The following ANK3 variants were observed in gnomAD, a reference collection of about 807,000 sequenced individuals.
ANK3 encodes ankyrin-3.
In ANK3, 57 loss-of-function variants were observed where a neutral mutation model predicts 370.9. The observed-to-expected ratio is 0.15, with a 90% CI of 0.12 to 0.19. The LOEUF is 0.19. ANK3 is among the 10% of genes least tolerant of loss of function. ANK3 has a pLI of 1.00. For synonymous variants in ANK3, 1,929 were observed against 1,946.3 expected, an observed-to-expected ratio of 0.99 and a Z score of 0.23; for missense variants, 4,439 against 5,302.1, an observed-to-expected ratio of 0.84 and a Z score of 5.06.
At chr10:60,335,750 G>A (rs1178401713) in intron 1 of ANK3, among the ~76,000 whole-genome samples, 1 of 152,104 alleles carries the variant, frequency 6.6e-6, no homozygotes, top group Admixed American at 6.6e-5. Context: ...GTTTCTTGAG[G>A]TAATAGTATA....
chr10:60,516,962 T>C (rs10994396), intron 2 of ANK3, among the ~76,000 whole-genome samples: 35,990 of 151,878 alleles, frequency 0.24, 4,647 homozygotes, highest in East Asian at 0.47. Context: ...CCACGTTCCA[T>C]GGAAAGAGCT....
chr10:60,464,481 T>C (rs2064964318), intron 2 of ANK3, among the ~76,000 whole-genome samples: 1 of 150,054 alleles, frequency 6.7e-6, no homozygotes, highest in African/African-American at 2.4e-5. Context: ...GACAGGGAGA[T>C]AGGCTGTCTC....
intron 26 of ANK3, among the ~76,000 whole-genome samples, chr10:60,110,784 T>C (rs1390743725): frequency 6.6e-6 from 1 of 152,200 alleles, no homozygotes; most frequent in African/African-American, 2.4e-5. Flanking sequence ...AATTTTTCAT[T>C]AGGAATAATA....
intron 2 of ANK3, among the ~76,000 whole-genome samples, chr10:60,423,224 C>T (rs2063813602): frequency 6.6e-6 from 1 of 152,068 alleles, no homozygotes; most frequent in African/African-American, 2.4e-5. Context: ...AAGACAATCA[C>T]TTCCAAAAAA....
rs138905531 is a variant in ANK3, at chr10:60,507,280, C to T, written c.96+107906G>A. 3.1e-3 allele frequency among the ~76,000 whole-genome samples: 467 copies of T among 152,012 alleles called. 1 individual carries two copies. Among genetic ancestry groups the T allele is most frequent in the African/African-American group, 0.01 (429 of 41,494 alleles). On this transcript the variant is annotated intron_variant, in intron 2 of 43. Transcript: ENST00000373827. ...CAATAATCACTGCCAAAAATTAATG[C>T]GTCACAATGGCATAATAATTATGAG...
chr10:60,482,165 T>C (rs908797797), intron 2 of ANK3, among the ~76,000 whole-genome samples: 3 of 152,168 alleles, frequency 2.0e-5, no homozygotes, highest in Non-Finnish European at 4.4e-5. Flanking sequence ...CTCATCAGCC[T>C]TGCTCCCCTT....
chr10:60,487,610 A>T (rs984509763), intron 2 of ANK3, among the ~76,000 whole-genome samples: 1 of 152,136 alleles, frequency 6.6e-6, no homozygotes, highest in African/African-American at 2.4e-5. Flanking sequence ...AGCAAAGAAA[A>T]TCTGACTTGG....
chr10:60,086,919 CT>C (rs748424381), intron 29 of ANK3, 35 bp from the exon 30 acceptor site: 133,036 of 953,836 alleles, frequency 0.14, 5 homozygotes, highest in East Asian at 0.18. Flanking sequence ...ATGAAAGTGA[CT>C]TTTTTTTTTT....
At chr10:60,412,908 T>G (rs898734906) in intron 2 of ANK3, among the ~76,000 whole-genome samples, 3 of 152,210 alleles carry the variant, frequency 2.0e-5, no homozygotes, top group Non-Finnish European at 4.4e-5. Context: ...TATCTTTTTA[T>G]TCCCACCCAG....
At chr10:60,595,490 T>C (rs2077975252) in intron 2 of ANK3, among the ~76,000 whole-genome samples, 1 of 152,122 alleles carries the variant, frequency 6.6e-6, no homozygotes, top group African/African-American at 2.4e-5. Context: ...ATGGCACCAG[T>C]TGGTCTATCA....
chr10:60,179,560 T>C (rs1451962899), intron 18 of ANK3, among the ~76,000 whole-genome samples: 1 of 151,962 alleles, frequency 6.6e-6, no homozygotes, highest in Non-Finnish European at 1.5e-5. Flanking sequence ...CTGGGTGTGG[T>C]GGCATGTGCC....
chr10:60,620,301 G>A (rs2078318408), intron 1 of ANK3, among the ~76,000 whole-genome samples: 1 of 152,098 alleles, frequency 6.6e-6, no homozygotes, highest in African/African-American at 2.4e-5. Context: ...ATATTTGTGT[G>A]AAAATCAAGT....
chr10:60,137,393 C>G (rs372665239), intron 24 of ANK3: 2 of 110,882 alleles, frequency 1.8e-5, no homozygotes, highest in Non-Finnish European at 1.8e-5. Context: ...AAAAAAAAAA[C>G]AAGAAATAGA....
At chr10:60,282,969 G>A (rs1287322785) in intron 1 of ANK3, among the ~76,000 whole-genome samples, 2 of 152,082 alleles carry the variant, frequency 1.3e-5, no homozygotes, top group Non-Finnish European at 2.9e-5. Context: ...CTTAGCCACC[G>A]GCAAACAAAA....
At chr10:60,112,220 T>A (rs2092764380) in intron 26 of ANK3, among the ~76,000 whole-genome samples, 1 of 152,222 alleles carries the variant, frequency 6.6e-6, no homozygotes. Context: ...TGTCTTTGAT[T>A]TGTAGAGAAT....
Position 60,594,997 on chromosome 10 carries a change from T to C in ANK3, c.96+20189A>G, listed in dbSNP as rs151047564. The stretch of plus-strand genomic sequence containing the variant: ...TACTTCCAACAAGGTAAGTATCCCC[T>C]GAAGTCTATGGTGTCTGAAGGAGTG... On this transcript the variant is annotated intron_variant, in intron 2 of 43. Coordinates refer to the ANK3 transcript ENST00000373827. Among the ~76,000 whole-genome samples, 1,495 of 152,288 alleles carry C rather than the reference T, an allele frequency of 9.8e-3. 12 individuals are homozygous for C. The highest frequency in any genetic ancestry group is 0.027 in the Middle Eastern group (8 of 294).
intron 2 of ANK3, among the ~76,000 whole-genome samples, chr10:60,456,719 G>A (rs771733349): frequency 6.6e-6 from 1 of 152,130 alleles, no homozygotes; most frequent in Non-Finnish European, 1.5e-5. Flanking sequence ...AGTCTTAGCT[G>A]CTAGTCTTCC....
intron 1 of ANK3, among the ~76,000 whole-genome samples, chr10:60,357,076 G>A (rs2057874649): frequency 6.6e-6 from 1 of 152,100 alleles, no homozygotes; most frequent in African/African-American, 2.4e-5. Context: ...CTTGGTCACT[G>A]GTGATTACAT....
At chr10:60,349,624 G>GAATA (rs967766596) in intron 1 of ANK3, among the ~76,000 whole-genome samples, 12 of 152,054 alleles carry the variant, frequency 7.9e-5, no homozygotes, top group Middle Eastern at 3.4e-3. Context: ...CTTTGGCTAC[G>GAATA]AATAACTCTA....
Sources: allele counts gnomAD v4.1 joint callset (sites outside exome capture counted in the v4.1 genomes callset), GRCh38; gene constraint gnomAD v4.1.1; transcripts MANE v1.5; gene names NCBI Gene and HGNC (gene_info 2026-07-23, HGNC 2026-07-21).